GPC5: variants seen among roughly 807,000 people sequenced by gnomAD.
GPC5 encodes glypican-5.
Under a neutral mutation model 53.9 loss-of-function variants are expected in GPC5, and 47 were observed. The ratio of observed to expected loss-of-function variants is 0.87; its 90% CI spans 0.69 to 1.11. GPC5 has a LOEUF of 1.11. Among genes scored for constraint, GPC5 ranks in the 50% most tolerant of loss-of-function variants. The probability of loss-of-function intolerance (pLI) is 0.00; values close to 1 mark genes in which losing one functional copy is unlikely to be tolerated. For missense variants in GPC5, 748 were observed against 713.1 expected (o/e 1.05, Z -0.56); for synonymous variants, 286 against 263.3 (o/e 1.09, Z -0.84).
intron 2 of GPC5, among the ~76,000 whole-genome samples, chr13:91,670,212 C>T (rs2035212787): frequency 6.6e-6 from 1 of 152,124 alleles, no homozygotes; most frequent in Non-Finnish European, 1.5e-5. Flanking sequence ...TTCCTTTGCT[C>T]TCTGATAATA....
chr13:91,553,795 A>G (rs184843070), intron 2 of GPC5, among the ~76,000 whole-genome samples: 1 of 152,248 alleles, frequency 6.6e-6, no homozygotes, highest in Non-Finnish European at 1.5e-5. Flanking sequence ...TGCAAAAGGA[A>G]TAAAAAGCTC....
At chr13:91,534,990 T>C (rs2138690439) in intron 2 of GPC5, among the ~76,000 whole-genome samples, 1 of 152,324 alleles carries the variant, frequency 6.6e-6, no homozygotes, top group East Asian at 1.9e-4. Flanking sequence ...TTCCATGGCC[T>C]TGTGAACAAA....
chr13:92,203,263 T>C (rs962343660), intron 7 of GPC5, among the ~76,000 whole-genome samples: 9 of 150,518 alleles, frequency 6.0e-5, no homozygotes, highest in Non-Finnish European at 1.2e-4. Flanking sequence ...ATAGACTGGA[T>C]TAAGAAAATG....
At chr13:92,339,915 A>G (rs1195913101) in intron 7 of GPC5, 1 of 152,142 alleles carries the variant, frequency 6.6e-6, no homozygotes, top group Non-Finnish European at 1.5e-5. Flanking sequence ...TTATGATGAT[A>G]AATGCACACA....
chr13:91,438,411 T>C (rs1880151328), intron 1 of GPC5, among the ~76,000 whole-genome samples: 2 of 152,156 alleles, frequency 1.3e-5, no homozygotes, highest in Admixed American at 1.3e-4. Context: ...TCTGTTGGAG[T>C]TTGCTGGAGG....
intron 6 of GPC5, among the ~76,000 whole-genome samples, chr13:92,046,120 A>AC (rs1594741993): frequency 1.8e-5 from 2 of 111,858 alleles, no homozygotes; most frequent in East Asian, 4.2e-4. Flanking sequence ...TATATCAAAC[A>AC]GAAAAAAAAA....
intron 5 of GPC5, among the ~76,000 whole-genome samples, chr13:91,859,034 C>CTT (rs57168055): frequency 5.0e-5 from 7 of 140,678 alleles, no homozygotes; most frequent in Non-Finnish European, 9.4e-5. Flanking sequence ...TTATTTAGGT[C>CTT]TTTTTTTTTT....
chr13:91,452,908 AC>A (rs2139111865), intron 2 of GPC5, among the ~76,000 whole-genome samples: 1 of 152,020 alleles, frequency 6.6e-6, no homozygotes, highest in African/African-American at 2.4e-5. Flanking sequence ...TTAGAAATGA[AC>A]CTTTTCTTAT....
chr13:92,282,529 A>G (rs1000706036), intron 7 of GPC5, among the ~76,000 whole-genome samples: 5 of 152,182 alleles, frequency 3.3e-5, no homozygotes, highest in African/African-American at 1.2e-4. Flanking sequence ...GGGAACCTCA[A>G]CAGACTAACA....
At chr13:92,319,763 A>G (rs1207040810) in intron 7 of GPC5, among the ~76,000 whole-genome samples, 1 of 152,176 alleles carries the variant, frequency 6.6e-6, no homozygotes, top group African/African-American at 2.4e-5. Context: ...CACACATGTT[A>G]TACGTACAGT....
chr13:92,337,820 C>G (rs1240644627), intron 7 of GPC5, among the ~76,000 whole-genome samples: 1 of 152,064 alleles, frequency 6.6e-6, no homozygotes, highest in Non-Finnish European at 1.5e-5. Context: ...CAAAATAGAC[C>G]ATAGACCTAA....
At chr13:92,497,617 TTG>T (rs1263741792) in intron 7 of GPC5, among the ~76,000 whole-genome samples, 2 of 152,176 alleles carry the variant, frequency 1.3e-5, no homozygotes, top group South Asian at 4.2e-4. Flanking sequence ...AAATTTAAAG[TTG>T]TTTTTTTTCT....
chr13:91,435,657 TTG>T (rs1253497464), intron 1 of GPC5, among the ~76,000 whole-genome samples: 2 of 152,222 alleles, frequency 1.3e-5, no homozygotes, highest in Non-Finnish European at 2.9e-5. Flanking sequence ...TCTTTTATTG[TTG>T]TGTCTCTGCC....
intron 7 of GPC5, among the ~76,000 whole-genome samples, chr13:92,222,912 A>G (rs2042459890): frequency 6.6e-6 from 1 of 152,186 alleles, no homozygotes; most frequent in African/African-American, 2.4e-5. Flanking sequence ...ATCAGTATGT[A>G]CCAGCTATTG....
chr13:91,507,931 G>C (rs1378304652), intron 2 of GPC5, among the ~76,000 whole-genome samples: 1 of 152,058 alleles, frequency 6.6e-6, no homozygotes, highest in Non-Finnish European at 1.5e-5. Context: ...TAATTGAAAA[G>C]TATTATTTAA....
At chr13:92,144,343 T>G (rs549559070) in intron 6 of GPC5, among the ~76,000 whole-genome samples, 2 of 152,274 alleles carry the variant, frequency 1.3e-5, no homozygotes, top group East Asian at 3.9e-4. Context: ...AAAGTTTAAA[T>G]GAAACTATAA....
chr13:92,526,440 G>A (rs1881285181), intron 7 of GPC5, among the ~76,000 whole-genome samples: 1 of 152,076 alleles, frequency 6.6e-6, no homozygotes, highest in South Asian at 2.1e-4. Flanking sequence ...AATAAGTCCA[G>A]TGTGGGTGAA....
chr13:91,641,557 A>G (rs976284659), intron 2 of GPC5, among the ~76,000 whole-genome samples: 3 of 152,208 alleles, frequency 2.0e-5, no homozygotes, highest in African/African-American at 4.8e-5. Flanking sequence ...GCAAATCACC[A>G]TGGCACACAT....
Position 91,805,941 on chromosome 13 carries a change from T to G in GPC5, c.1280+49521T>G, listed in dbSNP as rs188863859. Among the ~76,000 whole-genome samples the G allele has an allele frequency of 5.3e-5, 8 of 152,062 alleles. No individual in the cohort carries two copies. In the South Asian group the frequency reaches 1.0e-3, roughly 20 times the overall value. ...TTTTAGCAGTGGACTAAGATTCGCC[T>G]TTTTAAAATATGTGGAAAAGTTTCT... On this transcript the variant is annotated intron_variant, in intron 5 of 7. Coordinates refer to ENST00000377067, the MANE Select transcript of GPC5 (RefSeq NM_004466.6).
Sources: allele counts gnomAD v4.1 joint callset (sites outside exome capture counted in the v4.1 genomes callset), GRCh38; gene constraint gnomAD v4.1.1; transcripts MANE v1.5; gene names NCBI Gene and HGNC (gene_info 2026-07-23, HGNC 2026-07-21).